CDYL: variants seen among roughly 807,000 people sequenced by gnomAD.
CDYL encodes chromodomain Y-like protein.
In CDYL, 8 loss-of-function variants were observed where a neutral mutation model predicts 47.3. The ratio of observed to expected loss-of-function variants is 0.17; its 90% confidence interval spans 0.10 to 0.31. The LOEUF is 0.31. Among genes scored for constraint, CDYL ranks in the 10% least tolerant of loss-of-function variants. The pLI is 1.00. For missense variants in CDYL, 471 were observed against 701.4 expected, an observed-to-expected ratio of 0.67 and a Z score of 3.71; for synonymous variants, 266 against 265.0, an observed-to-expected ratio of 1.00 and a Z score of -0.04.
intron 2 of CDYL, among the ~76,000 whole-genome samples, chr6:4,907,235 G>A (rs1269165007): frequency 6.9e-6 from 1 of 144,980 alleles, no homozygotes. Context: ...AAGGGGAGAT[G>A]GGGGGAAAAC....
intron 1 of CDYL, chr6:4,890,029 A>G: frequency 4.1e-6 from 4 of 985,562 alleles, no homozygotes; most frequent in Non-Finnish European, 4.8e-6. Flanking sequence ...AGTGTGCTCC[A>G]CCAGGCTCCT....
intron 2 of CDYL, among the ~76,000 whole-genome samples, chr6:4,728,582 G>A (rs1191411434): frequency 1.3e-5 from 2 of 152,146 alleles, no homozygotes; most frequent in Admixed American, 6.5e-5. Flanking sequence ...TCCCCAGAAA[G>A]GACAGATTCC....
At chr6:4,907,787 T>C (rs1253409400) in intron 2 of CDYL, among the ~76,000 whole-genome samples, 2 of 152,222 alleles carry the variant, frequency 1.3e-5, no homozygotes, top group Non-Finnish European at 2.9e-5. Flanking sequence ...ATTGTGGCTT[T>C]TAGGTTGCTG....
At chr6:4,818,043 G>T (rs2127447170) in intron 1 of CDYL, among the ~76,000 whole-genome samples, 2 of 152,242 alleles carry the variant, frequency 1.3e-5, no homozygotes, top group South Asian at 2.1e-4. Context: ...GATTGCTTGA[G>T]CCCAGGGTTC....
chr6:4,721,584 G>T (rs1369153845), intron 2 of CDYL, among the ~76,000 whole-genome samples: 2 of 151,982 alleles, frequency 1.3e-5, no homozygotes, highest in Non-Finnish European at 1.5e-5. Context: ...GTTTTGCCCT[G>T]TTGGCCAGGC....
rs750325261 is a variant in CDYL, at chr6:4,952,428, G to A, written c.1476+19G>A. 5 of 1,582,692 alleles carry A rather than the reference G, an allele frequency of 3.2e-6. No homozygotes were observed. In the Admixed American group the frequency reaches 7.6e-5, roughly 24 times the overall value. On this transcript the variant is annotated intron_variant, in intron 6 of 6. Transcript: ENST00000397588. Reference sequence around the variant, plus strand: ...TCCAGTTGTATGTCTAATTGCTTCTGTTACACGTTACTTTTTAAAAAATAG... The same window carrying A: ...TCCAGTTGTATGTCTAATTGCTTCTATTACACGTTACTTTTTAAAAAATAG...
intron 3 of CDYL, among the ~76,000 whole-genome samples, chr6:4,764,085 C>T (rs893437846): frequency 6.6e-6 from 1 of 152,148 alleles, no homozygotes; most frequent in Non-Finnish European, 1.5e-5. Flanking sequence ...ATCAAAATTA[C>T]ACATACCAGT....
intron 1 of CDYL, among the ~76,000 whole-genome samples, chr6:4,810,190 A>G (rs1759486446): frequency 6.6e-6 from 1 of 152,066 alleles, no homozygotes; most frequent in Admixed American, 6.5e-5. Flanking sequence ...ATAGTTGTCT[A>G]AGTGTGTGAT....
intron 1 of CDYL, among the ~76,000 whole-genome samples, chr6:4,871,987 C>T (rs149135263): frequency 6.6e-6 from 1 of 152,142 alleles, no homozygotes; most frequent in Non-Finnish European, 1.5e-5. Context: ...GGGTTTCTGA[C>T]CAGAGCTGTT....
At chr6:4,708,418 C>T (rs1757086313) in intron 1 of CDYL, among the ~76,000 whole-genome samples, 1 of 152,148 alleles carries the variant, frequency 6.6e-6, no homozygotes, top group Non-Finnish European at 1.5e-5. Flanking sequence ...CCTTGTCCTC[C>T]CAAAGTACTG....
intron 3 of CDYL, among the ~76,000 whole-genome samples, chr6:4,735,675 A>G (rs1186057624): frequency 6.6e-6 from 1 of 152,166 alleles, no homozygotes; most frequent in Non-Finnish European, 1.5e-5. Flanking sequence ...CTGAGGTGGG[A>G]GAATCACTTG....
At chr6:4,928,037 T>G (rs973174079) in intron 2 of CDYL, among the ~76,000 whole-genome samples, 2 of 152,246 alleles carry the variant, frequency 1.3e-5, no homozygotes, top group East Asian at 3.8e-4. Flanking sequence ...CATTTTCCCC[T>G]GTGCTAGAAC....
intron 1 of CDYL, among the ~76,000 whole-genome samples, chr6:4,863,722 T>C (rs1761239230): frequency 6.6e-6 from 1 of 152,262 alleles, no homozygotes; most frequent in Non-Finnish European, 1.5e-5. Context: ...ATGTAAGGCA[T>C]ATTTCTTGCA....
rs541164717 is a variant in CDYL, at chr6:4,863,258, C to A, written c.25-28455C>A. Among the ~76,000 whole-genome samples, 7 of 152,262 alleles carry A rather than the reference C, an allele frequency of 4.6e-5. No individual in the cohort carries two copies. The East Asian group carries it at 1.2e-3, about 25-fold the overall frequency. On this transcript the variant is annotated intron_variant, in intron 1 of 6. Transcript: ENST00000397588. ...AAAACTACCTGTTGGGTACCGTGTTCACTGTTTGAGTAATGGGTTCACGAG... is the reference window on the plus strand; with the variant it reads ...AAAACTACCTGTTGGGTACCGTGTTAACTGTTTGAGTAATGGGTTCACGAG...
At chr6:4,719,571 T>G (rs9328271) in intron 2 of CDYL, among the ~76,000 whole-genome samples, 19,592 of 152,126 alleles carry the variant, frequency 0.13, 1,550 homozygotes, top group African/African-American at 0.23. Context: ...TTAAAATTAT[T>G]ACTCATTTTC....
At chr6:4,734,454 ACTGT>A (rs1357271003) in intron 2 of CDYL, among the ~76,000 whole-genome samples, 2 of 152,122 alleles carry the variant, frequency 1.3e-5, no homozygotes, top group African/African-American at 4.8e-5. Flanking sequence ...GGCCTGAGTC[ACTGT>A]CTGCTGCATT....
chr6:4,823,808 T>C (rs566985302), intron 1 of CDYL, among the ~76,000 whole-genome samples: 1 of 150,088 alleles, frequency 6.7e-6, no homozygotes, highest in East Asian at 1.9e-4. Flanking sequence ...ATGTTATATT[T>C]GTATTTGTAT....
chr6:4,710,665 T>G (rs1322950696), intron 1 of CDYL, among the ~76,000 whole-genome samples: 1 of 152,080 alleles, frequency 6.6e-6, no homozygotes, highest in Admixed American at 6.6e-5. Flanking sequence ...CCAAGGCTCA[T>G]CCAGGTCCCA....
At chr6:4,897,160 C>G (rs370500474) in intron 2 of CDYL, among the ~76,000 whole-genome samples, 1 of 152,196 alleles carries the variant, frequency 6.6e-6, no homozygotes, top group Non-Finnish European at 1.5e-5. Flanking sequence ...ACTGGATTAT[C>G]GTAACTTTGT....
Sources: allele counts gnomAD v4.1 joint callset (sites outside exome capture counted in the v4.1 genomes callset), GRCh38; gene constraint gnomAD v4.1.1; transcripts MANE v1.5; gene names NCBI Gene and HGNC (gene_info 2026-07-23, HGNC 2026-07-21).